Variants in CACNA1C observed in about 807,000 individuals in gnomAD.
The protein encoded by CACNA1C is voltage-dependent L-type calcium channel subunit alpha-1C.
A neutral mutation model predicts 229.0 loss-of-function variants in CACNA1C; 30 were observed. The observed-to-expected ratio is 0.13, with a 90% CI of 0.10 to 0.18. The LOEUF (loss-of-function observed/expected upper bound fraction) is 0.18, where lower values mean the gene tolerates loss of function less well. Among genes scored for constraint, CACNA1C ranks in the 10% least tolerant of loss-of-function variants. CACNA1C has a pLI of 1.00. For missense variants in CACNA1C, 1,658 were observed against 2,845.0 expected (o/e 0.58, Z 9.49); for synonymous variants, 1,114 against 1,132.5 (o/e 0.98, Z 0.33).
chr12:2,653,940 C>G lies in CACNA1C; in HGVS notation c.4140+40C>G. The G allele has an allele frequency of 2.0e-6, 3 of 1,537,320 alleles. No homozygotes were observed. Among genetic ancestry groups the G allele is most frequent in the Non-Finnish European group, 2.7e-6 (3 of 1,111,378 alleles). ...ACCACGGGGCTCCTGGCCTCCCGCT[C>G]TGTCTCTCCCCAGTTCCCAGCACCA... On this transcript the variant is annotated intron_variant, in intron 33 of 46. Coordinates refer to ENST00000399655, the MANE Select transcript of CACNA1C (RefSeq NM_000719.7). This position sits in a 1 kb window ranked among gnomAD's most constrained non-coding sequence, Gnocchi z 4.7.
chr12:2,522,841 G>T (rs1460286250), intron 9 of CACNA1C, among the ~76,000 whole-genome samples: 1 of 152,130 alleles, frequency 6.6e-6, no homozygotes, highest in Admixed American at 6.6e-5. Flanking sequence ...ATCTCACATG[G>T]GTATTGTTTG....
intron 3 of CACNA1C, among the ~76,000 whole-genome samples, chr12:2,333,017 C>G (rs901622790): frequency 6.6e-6 from 1 of 152,148 alleles, no homozygotes; most frequent in African/African-American, 2.4e-5. Context: ...GAACAGTTAT[C>G]CCTCCGGCAG....
intron 39 of CACNA1C, 172 bp from the exon 40 acceptor site, chr12:2,676,922 C>A: frequency 1.8e-6 from 1 of 556,420 alleles, no homozygotes; most frequent in Non-Finnish European, 3.2e-6. Flanking sequence ...GACTTTTGAC[C>A]ATAAGCCTTT....
chr12:2,329,556 C>G (rs566278752), intron 3 of CACNA1C, among the ~76,000 whole-genome samples: 3 of 152,304 alleles, frequency 2.0e-5, no homozygotes, highest in Admixed American at 6.5e-5. Context: ...GCCACATGCT[C>G]TATCCCGACT....
intron 1 of CACNA1C, among the ~76,000 whole-genome samples, chr12:2,061,717 T>C (rs543587746): frequency 1.3e-5 from 2 of 152,166 alleles, no homozygotes; most frequent in Non-Finnish European, 2.9e-5. Context: ...TTTCATGGCC[T>C]GAAAATAGGG....
At chr12:2,598,142 A>G (rs775963137) in intron 21 of CACNA1C, among the ~76,000 whole-genome samples, 20 of 152,178 alleles carry the variant, frequency 1.3e-4, no homozygotes, top group Non-Finnish European at 2.5e-4. Context: ...GCTTTGTCAC[A>G]GTGCCCCTTG....
intron 1 of CACNA1C, among the ~76,000 whole-genome samples, chr12:2,017,891 G>C (rs926624088): frequency 1.3e-5 from 2 of 152,044 alleles, no homozygotes; most frequent in Non-Finnish European, 2.9e-5. Context: ...GAAGGCAGTA[G>C]CACCACAAAT....
intron 1 of CACNA1C, among the ~76,000 whole-genome samples, chr12:2,095,973 A>G (rs553526535): frequency 6.6e-6 from 1 of 152,280 alleles, no homozygotes; most frequent in African/African-American, 2.4e-5. Context: ...TTCCTTCAGC[A>G]AACACTTCTT....
chr12:2,257,948 C>T (rs938756746), intron 3 of CACNA1C, among the ~76,000 whole-genome samples: 6 of 152,176 alleles, frequency 3.9e-5, no homozygotes, highest in Non-Finnish European at 8.8e-5. Flanking sequence ...GAATGCTACA[C>T]TCTCAACTTG....
chr12:2,478,333 G>T (rs1302322501), intron 5 of CACNA1C, among the ~76,000 whole-genome samples: 1 of 152,166 alleles, frequency 6.6e-6, no homozygotes, highest in Non-Finnish European at 1.5e-5. Flanking sequence ...ACTGGATGAG[G>T]TTGCTGCAGC....
intron 3 of CACNA1C, among the ~76,000 whole-genome samples, chr12:2,168,063 G>T (rs1029059413): frequency 2.0e-4 from 30 of 152,284 alleles, no homozygotes; most frequent in Admixed American, 3.9e-4. Context: ...TTTGTGTGTG[G>T]GGGGGAGTGT....
chr12:2,080,450 A>G (rs1256234448), intron 1 of CACNA1C, among the ~76,000 whole-genome samples: 1 of 151,586 alleles, frequency 6.6e-6, no homozygotes, highest in Admixed American at 6.6e-5. Context: ...AAATACAAAA[A>G]ATTAGCTGGA....
chr12:2,450,575 A>AG (rs1207520119), intron 4 of CACNA1C, among the ~76,000 whole-genome samples: 2 of 150,724 alleles, frequency 1.3e-5, no homozygotes, highest in Non-Finnish European at 3.0e-5. Context: ...AAAAAAAAAA[A>AG]AAACGCAGGT....
At chr12:2,620,690 A>G (rs1036343721) in intron 29 of CACNA1C, among the ~76,000 whole-genome samples, 2 of 152,246 alleles carry the variant, frequency 1.3e-5, no homozygotes, top group Non-Finnish European at 2.9e-5. Context: ...AGGTGGGCTC[A>G]GGAAAGTGAA....
chr12:2,492,696 G>A (rs910958102), intron 6 of CACNA1C, among the ~76,000 whole-genome samples: 2 of 152,222 alleles, frequency 1.3e-5, no homozygotes, highest in African/African-American at 4.8e-5. Flanking sequence ...GGGATCGGTT[G>A]GCTAACTATG....
At chr12:2,061,353 C>T (rs1202308473) in intron 1 of CACNA1C, among the ~76,000 whole-genome samples, 4 of 152,138 alleles carry the variant, frequency 2.6e-5, no homozygotes, top group East Asian at 1.9e-4. Context: ...TGTGGGAGGG[C>T]TGACATTATT....
At chr12:2,624,594 T>A (rs1288943274) in intron 29 of CACNA1C, among the ~76,000 whole-genome samples, 1 of 152,222 alleles carries the variant, frequency 6.6e-6, no homozygotes, top group Non-Finnish European at 1.5e-5. Context: ...CTAGACATTC[T>A]CTTGGGCTAG....
intron 9 of CACNA1C, among the ~76,000 whole-genome samples, chr12:2,527,215 C>G (rs1359890413): frequency 6.6e-6 from 1 of 152,210 alleles, no homozygotes; most frequent in Non-Finnish European, 1.5e-5. Flanking sequence ...CTAAGAACTT[C>G]AATAGTGCCT....
intron 1 of CACNA1C, among the ~76,000 whole-genome samples, chr12:1,997,755 T>C (rs1232967186): frequency 5.3e-5 from 8 of 152,248 alleles, no homozygotes; most frequent in Admixed American, 3.3e-4. Context: ...TTCATCACGA[T>C]ATACCAGGTG....
Sources: allele counts gnomAD v4.1 joint callset (sites outside exome capture counted in the v4.1 genomes callset), GRCh38; gene constraint gnomAD v4.1.1; non-coding constraint Gnocchi (gnomAD v3.1); transcripts MANE v1.5; gene names NCBI Gene and HGNC (gene_info 2026-07-23, HGNC 2026-07-21).